USP42: variants seen among roughly 807,000 people sequenced by gnomAD.
The protein encoded by USP42 is ubiquitin specific peptidase 42.
In USP42, 23 loss-of-function variants were observed where a neutral mutation model predicts 113.0. The observed-to-expected ratio is 0.20, with a 90% CI of 0.15 to 0.29. USP42 has a LOEUF of 0.29. Ranked by LOEUF, USP42 falls within the 10% of genes least tolerant of loss-of-function variation. USP42 has a pLI of 1.00. For missense variants in USP42, 2,174 were observed against 1,779.8 expected (o/e 1.22, Z -3.99); for synonymous variants, 933 against 699.0 (o/e 1.33, Z -5.28).
chr7:6,151,925 A>T (rs866363619), intron 14 of USP42, among the ~76,000 whole-genome samples: 2 of 152,304 alleles, frequency 1.3e-5, no homozygotes, highest in Middle Eastern at 3.4e-3. Context: ...ATGGACCGCC[A>T]TCATATGTGG....
intron 3 of USP42, among the ~76,000 whole-genome samples, chr7:6,127,889 T>C (rs1780624578): frequency 6.6e-6 from 1 of 152,214 alleles, no homozygotes; most frequent in African/African-American, 2.4e-5. Flanking sequence ...CTTTACTCTT[T>C]ATTAATGTAA....
intron 11 of USP42, 95 bp downstream of exon 11, chr7:6,146,343 A>C (rs1781715152): frequency 2.4e-6 from 2 of 835,076 alleles, no homozygotes; most frequent in South Asian, 1.8e-5. Flanking sequence ...GTTTTAAAAA[A>C]AAAAAAAAAC....
chr7:6,082,583 T>A, the USP42 span, among the ~76,000 whole-genome samples: 45 of 146,854 alleles, frequency 3.1e-4, 1 homozygote, highest in African/African-American at 1.2e-3. Context: ...GGAGACTGCG[T>A]CTCTATTTTC....
At chr7:6,091,486 C>T in the USP42 span, among the ~76,000 whole-genome samples, 3 of 150,672 alleles carry the variant, frequency 2.0e-5, no homozygotes, top group African/African-American at 7.5e-5. Context: ...CTTTGGCCTC[C>T]CCAAATGCTC....
intron 2 of USP42, chr7:6,112,051 A>C (rs12667392): frequency 0.078 from 11,935 of 152,250 alleles, 620 homozygotes; most frequent in African/African-American, 0.14. Context: ...GTGTTTTGTA[A>C]AATGGTTGTC....
chr7:6,111,011 G>A (rs1206929699), intron 1 of USP42, 114 bp from the exon 2 acceptor site: 1 of 1,039,590 alleles, frequency 9.6e-7, no homozygotes. Context: ...TTTGAGTGAT[G>A]TGTTTGAAAA....
chr7:6,139,909 C>A lies in USP42; in HGVS notation c.657-219C>A. The A allele has an allele frequency of 1.7e-6, 1 of 584,582 alleles. No homozygotes were observed. Among genetic ancestry groups the A allele is most frequent in the East Asian group, 2.9e-5 (1 of 34,130 alleles). 36.2% of individuals were successfully genotyped at this position (584,582 alleles called of 1,614,324 possible). A position where few individuals can be genotyped will look rare whatever the true frequency, so the allele number is the denominator to read the frequency against. On this transcript the variant is annotated intron_variant, in intron 5 of 17. Coordinates refer to ENST00000306177, the MANE Select transcript of USP42 (RefSeq NM_032172.3). The surrounding 1 kb of genome is among the most constrained non-coding windows in gnomAD (Gnocchi z 4.5). ...GAGTCCCTTCCTGACAGACACAGCT[C>A]CCACAGCTCTGCGTCTCCTCCCGCC...
chr7:6,099,151 C>T, the USP42 span, among the ~76,000 whole-genome samples: 1 of 149,072 alleles, frequency 6.7e-6, no homozygotes, highest in Non-Finnish European at 1.5e-5. Context: ...GGAGGCTCTG[C>T]TCTCTGGCTT....
In USP42 at chr7:6,139,486, C is replaced by T; in HGVS notation, c.656+292C>T. The T allele has an allele frequency of 1.5e-5, 4 of 266,734 alleles. No individual in the cohort carries two copies. The highest frequency in any genetic ancestry group is 2.1e-5 in the Non-Finnish European group (3 of 142,194). The allele number at this position is 266,734 out of a possible 1,614,324, so 16.5% of individuals were successfully genotyped here. ...ATTATCAGCAGACGTCTGCAGATCT[C>T]AAACTAGCTGCTTCTCCTTTCTAGT... On this transcript the variant is annotated intron_variant, in intron 5 of 17. Transcript: ENST00000306177. The surrounding 1 kb of genome is among the most constrained non-coding windows in gnomAD (Gnocchi z 4.5).
chr7:6,150,067 A>G lies in USP42; in HGVS notation c.1871A>G (p.Lys624Arg). Residue 624 changes from lysine to arginine, a missense_variant, in exon 13 of 18, where the codon AAG becomes AGG. Physicochemically the swap from Lys to Arg is conservative, Grantham distance 26. Coordinates refer to ENST00000306177, the MANE Select transcript of USP42 (RefSeq NM_032172.3). ...GACGAGGAGTCAAAGGGGCTGGGCA[A>G]GGAGAATGGGATTGGTACGATTGTG... ...DSDEESKGLG[K>R]ENGIGTIVSS... The G allele has an allele frequency of 1.2e-6, 2 of 1,609,644 alleles. No individual in the cohort carries two copies. Among genetic ancestry groups the G allele is most frequent in the Non-Finnish European group, 1.7e-6 (2 of 1,177,872 alleles).
Position 6,154,438 on chromosome 7 carries a change from A to G in USP42, c.2884A>G (p.Ser962Gly), listed in dbSNP as rs1782286738. The change falls in exon 15 of 18, where the codon AGC becomes GGC. Residue 962 changes from serine to glycine, a missense_variant. Physicochemically the swap from Ser to Gly is moderately conservative, Grantham distance 56 (BLOSUM62 0). Coordinates refer to ENST00000306177, the MANE Select transcript of USP42 (RefSeq NM_032172.3). The part of the protein sequence containing the change: ...HYRSRRERSS[S>G]GEPARESRSK... ...CCGCAGCCGGAGAGAGCGCTCGTCC[A>G]GCGGGGAGCCCGCCAGAGAGAGCAG... is the stretch of plus-strand genomic sequence containing the variant. The G allele has an allele frequency of 6.4e-7, 1 of 1,569,956 alleles. No individual in the cohort carries two copies. Among genetic ancestry groups the G allele is most frequent in the Non-Finnish European group, 8.6e-7 (1 of 1,159,184 alleles).
At chr7:6,091,787 T>G in the USP42 span, among the ~76,000 whole-genome samples, 1 of 149,922 alleles carries the variant, frequency 6.7e-6, no homozygotes, top group African/African-American at 2.5e-5. Flanking sequence ...GGGTGCAAAG[T>G]GGGGTGGTGT....
At chr7:6,150,809 A>C (rs1781999619) in intron 14 of USP42, among the ~76,000 whole-genome samples, 1 of 152,168 alleles carries the variant, frequency 6.6e-6, no homozygotes, top group Admixed American at 6.5e-5. Context: ...ATCTCATTTC[A>C]TCTTTCTCAT....
rs1045019776 is a variant in USP42 at position 6,143,136 on chromosome 7, C to T, written c.878+122C>T. 3.3e-5 allele frequency: 30 copies of T among 917,790 alleles called. 1 individual carries two copies. The South Asian group carries it at 3.4e-4, about 10-fold the overall frequency. The allele number at this position is 917,790 out of a possible 1,614,324, so 56.9% of individuals were successfully genotyped here. On this transcript the variant is annotated intron_variant, in intron 8 of 17. Coordinates refer to ENST00000306177, the MANE Select transcript of USP42 (RefSeq NM_032172.3). Reference sequence around the variant, plus strand: ...GAGTTTCTGATACCCTCTGGGAAGACACTGCGTCCCTGTCGTCCAAAGGCG... The same window carrying T: ...GAGTTTCTGATACCCTCTGGGAAGATACTGCGTCCCTGTCGTCCAAAGGCG...
rs550801894 is a variant in USP42 at position 6,124,296 on chromosome 7, C to T, written c.442+8773C>T. On this transcript the variant is annotated intron_variant, in intron 3 of 17. Transcript: ENST00000306177. ...CTTTTTTCTTTTTTTGAGACGGATT[C>T]TCGCTCTGTCACCCAGGCTGGAGTG... is the stretch of plus-strand genomic sequence containing the variant. 9.9e-5 allele frequency among the ~76,000 whole-genome samples: 15 copies of T among 152,138 alleles called. No individual in the cohort carries two copies. The South Asian group carries it at 3.1e-3, about 32-fold the overall frequency.
chr7:6,120,481 G>A (rs1780161523), intron 3 of USP42, among the ~76,000 whole-genome samples: 1 of 152,184 alleles, frequency 6.6e-6, no homozygotes, highest in Non-Finnish European at 1.5e-5. Context: ...GACCTCAAGT[G>A]ATCTGCCCGA....
chr7:6,130,676 T>G (rs1003035469), intron 3 of USP42, among the ~76,000 whole-genome samples: 1 of 152,088 alleles, frequency 6.6e-6, no homozygotes, highest in Non-Finnish European at 1.5e-5. Context: ...CCTTTTCTGG[T>G]GTGGGTGGAG....
At position 6,154,230 on chromosome 7, in the gene USP42, A is replaced by G; in HGVS notation, c.2676A>G (p.Ala892=). The G allele has an allele frequency of 6.2e-7, 1 of 1,605,834 alleles. No individual in the cohort carries two copies. The highest frequency in any genetic ancestry group is 8.5e-7 in the Non-Finnish European group (1 of 1,178,350). ...DAQDPSQSLG[A]PEAAERPPAP... ...AGGACCCATCCCAGAGCTTGGGCGC[A>G]CCCGAGGCCGCAGAGCGGCCGCCAG... Residue 892 remains alanine (A), a synonymous_variant, in exon 15 of 18, where the codon GCA becomes GCG. Coordinates refer to ENST00000306177, the MANE Select transcript of USP42 (RefSeq NM_032172.3).
chr7:6,108,311 G>A (rs982011147), intron 1 of USP42, among the ~76,000 whole-genome samples: 2 of 152,142 alleles, frequency 1.3e-5, no homozygotes, highest in African/African-American at 4.8e-5. Context: ...GCAGAGGCAG[G>A]AGGATCGTTT....
Sources: allele counts gnomAD v4.1 joint callset (sites outside exome capture counted in the v4.1 genomes callset), GRCh38; gene constraint gnomAD v4.1.1; non-coding constraint Gnocchi (gnomAD v3.1); transcripts MANE v1.5; gene names NCBI Gene and HGNC (gene_info 2026-07-23, HGNC 2026-07-21).